Variants in ATPAF1 observed in about 807,000 individuals in gnomAD.
ATPAF1 encodes the protein ATP synthase mitochondrial F1 complex assembly factor 1.
Under a neutral mutation model 43.9 loss-of-function variants are expected in ATPAF1, and 26 were observed. The observed-to-expected ratio is 0.59, with a 90% CI of 0.43 to 0.82. The LOEUF (loss-of-function observed/expected upper bound fraction) is 0.82. Ranked by LOEUF, ATPAF1 falls within the 40% of genes least tolerant of loss-of-function variation. The pLI is 0.00. For missense variants in ATPAF1, 366 were observed against 435.0 expected (o/e 0.84, Z 1.41); for synonymous variants, 157 against 168.0 (o/e 0.93, Z 0.50).
chr1:46,640,267 CT>C (rs1675925696), intron 8 of ATPAF1, among the ~76,000 whole-genome samples: 1 of 152,080 alleles, frequency 6.6e-6, no homozygotes, highest in Non-Finnish European at 1.5e-5. Context: ...TACTATTTTT[CT>C]TTAATAATAG....
At chr1:46,649,608 A>G (rs1324677534) in intron 6 of ATPAF1, among the ~76,000 whole-genome samples, 2 of 152,184 alleles carry the variant, frequency 1.3e-5, no homozygotes, top group Non-Finnish European at 2.9e-5. Flanking sequence ...CTAGAGACCA[A>G]TTAGGAGAGA....
At chr1:46,656,082 C>T (rs1313249523) in intron 4 of ATPAF1, among the ~76,000 whole-genome samples, 1 of 152,154 alleles carries the variant, frequency 6.6e-6, no homozygotes, top group Non-Finnish European at 1.5e-5. Flanking sequence ...CTAAAAGAGG[C>T]ACTTAACCCA....
intron 4 of ATPAF1, among the ~76,000 whole-genome samples, chr1:46,657,521 T>C (rs1240756230): frequency 6.6e-6 from 1 of 152,128 alleles, no homozygotes; most frequent in Non-Finnish European, 1.5e-5. Flanking sequence ...AACATAAATA[T>C]AGCACTTACT....
Position 46,650,013 on chromosome 1 carries a change from C to CT in ATPAF1, c.588+2567dup, listed in dbSNP as rs756669401. Reference sequence around the variant, plus strand: ...TCATTTCCATTTATTTAGGTATTCTCTGTTTTCAGCAATGTTTCCAAAAAT... The same window carrying CT: ...TCATTTCCATTTATTTAGGTATTCTCTTGTTTTCAGCAATGTTTCCAAAAAT... On this transcript the variant is annotated intron_variant, in intron 6 of 8. Transcript: ENST00000574428. 2.6e-4 allele frequency among the ~76,000 whole-genome samples: 39 copies of CT among 152,300 alleles called. 1 individual carries two copies. The highest frequency in any genetic ancestry group is 7.9e-4 in the African/African-American group (33 of 41,564).
chr1:46,658,316 G>C lies in ATPAF1; in HGVS notation c.427-127C>G, dbSNP rs1470620633. On this transcript the variant is annotated intron_variant, in intron 3 of 8. Coordinates refer to ENST00000574428, the Ensembl canonical transcript of ATPAF1. ...ACAGATTTCCAAAAGTAGAAAACAA[G>C]TATAAGAAAACCCACATGCTCAGAG... is the stretch of plus-strand genomic sequence containing the variant. The C allele has an allele frequency of 3.1e-5, 25 of 801,644 alleles. No homozygotes were observed. The East Asian group carries it at 6.6e-4, about 21-fold the overall frequency. 49.7% of individuals were successfully genotyped at this position (801,644 alleles called of 1,614,324 possible).
intron 7 of ATPAF1, among the ~76,000 whole-genome samples, chr1:46,644,407 CAT>C (rs1676001449): frequency 6.6e-6 from 1 of 152,156 alleles, no homozygotes; most frequent in Non-Finnish European, 1.5e-5. Flanking sequence ...ATATATAAAA[CAT>C]GTGGCACATA....
chr1:46,636,731 T>TA (rs111988234), intron 8 of ATPAF1, among the ~76,000 whole-genome samples: 2,500 of 139,080 alleles, frequency 0.018, 63 homozygotes, highest in African/African-American at 0.059. Context: ...GTGAGCCCCT[T>TA]AAAAAAAAAA....
chr1:46,657,345 A>G (rs1569627106), intron 4 of ATPAF1, among the ~76,000 whole-genome samples: 2 of 152,248 alleles, frequency 1.3e-5, no homozygotes, highest in East Asian at 1.9e-4. Flanking sequence ...ATAAATGACC[A>G]AACAGGCAGG....
chr1:46,667,589 A>G (rs1230801656), intron 1 of ATPAF1, among the ~76,000 whole-genome samples: 2 of 152,120 alleles, frequency 1.3e-5, no homozygotes, highest in South Asian at 2.1e-4. Flanking sequence ...CTGTGACACT[A>G]TTAGTCTTTG....
At chr1:46,642,053 C>T (rs996247575) in intron 8 of ATPAF1, among the ~76,000 whole-genome samples, 2 of 152,128 alleles carry the variant, frequency 1.3e-5, no homozygotes, top group African/African-American at 2.4e-5. Flanking sequence ...TCCTGATTTT[C>T]CTGTTAGGCC....
Position 46,668,269 on chromosome 1 carries a change from C to T in ATPAF1, c.54G>A (p.Gln18=), listed in dbSNP as rs968981410. The T allele has an allele frequency of 1.1e-5, 15 of 1,388,510 alleles. No homozygotes were observed. The African/African-American group carries it at 2.2e-4, about 21-fold the overall frequency. The allele number at this position is 1,388,510 out of a possible 1,614,324, so 86.0% of individuals were successfully genotyped here. A position where few individuals can be genotyped will look rare whatever the true frequency, so the allele number is the denominator to read the frequency against. The change falls in exon 1 of 9, where the codon CAG becomes CAA. Residue 18 remains glutamine, a synonymous_variant. Coordinates refer to ENST00000574428, the Ensembl canonical transcript of ATPAF1. This position sits in a 1 kb window ranked among gnomAD's most constrained non-coding sequence, Gnocchi z 4.4. ...ACAGGCCCCGGTAGAGACCGGCCAC[C>T]TGCAGGACCGCCGGTCCCGCGCCAC...
rs534872158 is a variant in ATPAF1 at position 46,658,930 on chromosome 1, A to G, written c.376-193T>C. Among the ~76,000 whole-genome samples, 110 of 152,242 alleles carry G rather than the reference A, an allele frequency of 7.2e-4. 1 individual carries two copies. In the South Asian group the frequency reaches 0.022, roughly 30 times the overall value. On this transcript the variant is annotated intron_variant, in intron 2 of 8. Transcript: ENST00000574428. Reference sequence around the variant, plus strand: ...TTGTTGGCTGGGCGCAGTGGCTCACACCTGTAATCCCAGCACTTTGGGAAG... The same window carrying G: ...TTGTTGGCTGGGCGCAGTGGCTCACGCCTGTAATCCCAGCACTTTGGGAAG...
chr1:46,658,987 C>T (rs1049472989), intron 2 of ATPAF1, among the ~76,000 whole-genome samples: 2 of 152,000 alleles, frequency 1.3e-5, no homozygotes, highest in Non-Finnish European at 2.9e-5. Context: ...GTCAGGAGTT[C>T]GAGACCAGCC....
chr1:46,663,348 G>C (rs1274118411), intron 2 of ATPAF1, among the ~76,000 whole-genome samples: 1 of 152,172 alleles, frequency 6.6e-6, no homozygotes, highest in Non-Finnish European at 1.5e-5. Flanking sequence ...GATCCCTAAG[G>C]AATCGCCACA....
chr1:46,644,693 A>G (rs1337300234), intron 7 of ATPAF1, among the ~76,000 whole-genome samples: 1 of 150,560 alleles, frequency 6.6e-6, no homozygotes, highest in Non-Finnish European at 1.5e-5. Context: ...AAAAGTTAAT[A>G]TTGTTTTATT....
chr1:46,656,176 G>A (rs947562321), intron 4 of ATPAF1, among the ~76,000 whole-genome samples: 1 of 152,196 alleles, frequency 6.6e-6, no homozygotes, highest in Admixed American at 6.5e-5. Flanking sequence ...AAATAAGGAG[G>A]CTGGGAAGAT....
intron 7 of ATPAF1, among the ~76,000 whole-genome samples, chr1:46,644,040 T>C (rs1157122262): frequency 6.6e-6 from 1 of 152,238 alleles, no homozygotes; most frequent in Admixed American, 6.5e-5. Flanking sequence ...CTTGTAATAG[T>C]TCAGCATCTC....
intron 2 of ATPAF1, among the ~76,000 whole-genome samples, chr1:46,660,741 G>A (rs1008071137): frequency 1.4e-4 from 21 of 152,220 alleles, no homozygotes; most frequent in African/African-American, 4.8e-4. Context: ...TACTATGGAT[G>A]CTTTGGAAAT....
At chr1:46,656,192 G>A (rs74075106) in intron 4 of ATPAF1, among the ~76,000 whole-genome samples, 1 of 152,310 alleles carries the variant, frequency 6.6e-6, no homozygotes, top group African/African-American at 2.4e-5. Context: ...AAGATAACAG[G>A]TAGGGCAGGA....
Sources: allele counts gnomAD v4.1 joint callset (sites outside exome capture counted in the v4.1 genomes callset), GRCh38; gene constraint gnomAD v4.1.1; non-coding constraint Gnocchi (gnomAD v3.1); transcripts MANE v1.5; gene names NCBI Gene and HGNC (gene_info 2026-07-23, HGNC 2026-07-21).